VPS54: variants seen among roughly 807,000 people sequenced by gnomAD.
The protein encoded by VPS54 is vacuolar protein sorting-associated protein 54.
Under a neutral mutation model 121.5 loss-of-function variants are expected in VPS54, and 45 were observed. That is an observed-to-expected ratio of 0.37 (90% CI 0.29 to 0.47). VPS54 has a LOEUF of 0.47. Ranked by LOEUF, VPS54 falls within the 20% of genes least tolerant of loss-of-function variation. The probability of loss-of-function intolerance (pLI) is 0.99; values close to 1 mark genes in which losing one functional copy is unlikely to be tolerated. For synonymous variants in VPS54, 371 were observed against 385.8 expected, an observed-to-expected ratio of 0.96 and a Z score of 0.45; for missense variants, 1,090 against 1,131.4, an observed-to-expected ratio of 0.96 and a Z score of 0.52.
At position 63,933,692 on chromosome 2, in the gene VPS54, G is replaced by A; in HGVS notation, c.1720C>T (p.Pro574Ser). The change falls in exon 12 of 23, where the codon CCA (proline) becomes TCA (serine). Residue 574 changes from proline (P) to serine (S), a missense_variant. By Grantham distance (74) the Pro-to-Ser change is moderately conservative. Coordinates refer to ENST00000272322, the MANE Select transcript of VPS54 (RefSeq NM_016516.3). ...ACTCACATAATATCCACACCTCCTG[G>A]AATAGCAGATGATGATGTGTGCTCT... is the stretch of plus-strand genomic sequence containing the variant. ...SKEHTSSSAIPGGVDIMVSED... is the reference protein window; with the variant it reads ...SKEHTSSSAISGGVDIMVSED... 1 of 1,612,732 alleles carries A rather than the reference G, an allele frequency of 6.2e-7. No individual in the cohort carries two copies. The highest frequency in any genetic ancestry group is 8.5e-7 in the Non-Finnish European group (1 of 1,179,612).
At chr2:63,896,281 A>G (rs1273249808) in intron 22 of VPS54, among the ~76,000 whole-genome samples, 2 of 152,206 alleles carry the variant, frequency 1.3e-5, no homozygotes, top group East Asian at 3.8e-4. Flanking sequence ...GACACATGCC[A>G]AAGTATTTAA....
intron 12 of VPS54, among the ~76,000 whole-genome samples, chr2:63,923,597 T>C (rs1373338794): frequency 6.6e-6 from 1 of 152,206 alleles, no homozygotes; most frequent in Non-Finnish European, 1.5e-5. Flanking sequence ...CACATACATG[T>C]GAATGGAATA....
At chr2:63,922,650 G>A (rs374169625) in intron 12 of VPS54, among the ~76,000 whole-genome samples, 1 of 152,148 alleles carries the variant, frequency 6.6e-6, no homozygotes, top group Non-Finnish European at 1.5e-5. Flanking sequence ...TAAGAGAGTA[G>A]AACTAGAACC....
chr2:63,969,313 C>G (rs1310041608), intron 4 of VPS54, among the ~76,000 whole-genome samples: 1 of 152,126 alleles, frequency 6.6e-6, no homozygotes, highest in Non-Finnish European at 1.5e-5. Flanking sequence ...TGTTAGGAAC[C>G]AGGTTGCACA....
intron 1 of VPS54, among the ~76,000 whole-genome samples, chr2:63,991,318 G>A (rs990052674): frequency 1.3e-5 from 2 of 152,190 alleles, no homozygotes; most frequent in East Asian, 3.8e-4. Context: ...TTTTTCATAT[G>A]TTAGCTTTTG....
At chr2:64,001,952 A>G (rs1677902030) in intron 1 of VPS54, among the ~76,000 whole-genome samples, 1 of 152,084 alleles carries the variant, frequency 6.6e-6, no homozygotes, top group Admixed American at 6.6e-5. Context: ...TTTGGCTTAC[A>G]CTGCCTTTTA....
At chr2:63,894,429 C>G (rs1246288730) in intron 22 of VPS54, among the ~76,000 whole-genome samples, 3 of 152,138 alleles carry the variant, frequency 2.0e-5, no homozygotes, top group Admixed American at 6.5e-5. Flanking sequence ...TGGCCAGGAG[C>G]AGTGGCTCAC....
intron 15 of VPS54, among the ~76,000 whole-genome samples, chr2:63,917,511 A>T (rs1312611018): frequency 6.6e-6 from 1 of 152,020 alleles, no homozygotes. Flanking sequence ...ATATTTCTTT[A>T]AACAAAATTC....
At chr2:63,903,748 GAAAC>G (rs1345978261) in intron 20 of VPS54, among the ~76,000 whole-genome samples, 14 of 151,930 alleles carry the variant, frequency 9.2e-5, no homozygotes, top group African/African-American at 3.4e-4. Context: ...GCAGCCACTA[GAAAC>G]AAACAGAAAT....
In VPS54 at chr2:63,942,504, A is replaced by T; in HGVS notation, c.1359T>A (p.Asp453Glu). The T allele has an allele frequency of 6.3e-7, 1 of 1,598,132 alleles. No individual in the cohort carries two copies. The highest frequency in any genetic ancestry group is 8.5e-7 in the Non-Finnish European group (1 of 1,171,412). The stretch of plus-strand genomic sequence containing the variant: ...GGAAAATTGTAAACTTAGAGAAAAT[A>T]TCCTTGAGCAGATCAAACCACTGGG... ...NFPQWFDLLKDIFSKFTIFLQ... is the reference protein window; with the variant it reads ...NFPQWFDLLKEIFSKFTIFLQ... The change falls in exon 11 of 23, where the codon GAT becomes GAA. Residue 453 changes from aspartate (D) to glutamate (E), a missense_variant. Around this residue, in one of 2 missense-constraint regions of VPS54, gnomAD observed 801 missense variants for 757.0 expected, o/e 1.06. Coordinates refer to ENST00000272322, the MANE Select transcript of VPS54 (RefSeq NM_016516.3).
intron 20 of VPS54, 26 bp downstream of exon 20, chr2:63,912,319 G>C (rs745684723): frequency 6.5e-7 from 1 of 1,547,746 alleles, no homozygotes; most frequent in Non-Finnish European, 8.8e-7. Context: ...TTTGAACAAA[G>C]TCTAATAATT....
intron 22 of VPS54, among the ~76,000 whole-genome samples, chr2:63,894,752 A>G (rs1438802357): frequency 6.6e-6 from 1 of 152,150 alleles, no homozygotes; most frequent in Non-Finnish European, 1.5e-5. Flanking sequence ...AGTCAAAAAC[A>G]GACTACTAAA....
intron 17 of VPS54, chr2:63,913,739 C>G (rs1384809813): frequency 1.6e-6 from 1 of 634,658 alleles, no homozygotes; most frequent in Non-Finnish European, 2.0e-6. Flanking sequence ...TTTAAAATAT[C>G]TCAATATGAA....
chr2:63,965,556 G>T (rs1354311130), intron 6 of VPS54, among the ~76,000 whole-genome samples: 1 of 152,180 alleles, frequency 6.6e-6, no homozygotes, highest in Non-Finnish European at 1.5e-5. Context: ...AATTTATTGT[G>T]TTAGCTAATA....
chr2:63,911,322 A>G (rs1259043987), intron 20 of VPS54, among the ~76,000 whole-genome samples: 1 of 152,200 alleles, frequency 6.6e-6, no homozygotes, highest in Non-Finnish European at 1.5e-5. Flanking sequence ...ATGTTTGTAC[A>G]TAAATACAAA....
intron 9 of VPS54, among the ~76,000 whole-genome samples, chr2:63,945,816 T>C (rs1429266931): frequency 1.3e-5 from 2 of 152,196 alleles, no homozygotes; most frequent in Non-Finnish European, 2.9e-5. Context: ...TTACATTTCC[T>C]TGTGATACAT....
At chr2:63,900,220 C>T (rs1266378441) in intron 20 of VPS54, among the ~76,000 whole-genome samples, 2 of 63,388 alleles carry the variant, frequency 3.2e-5, no homozygotes, top group Non-Finnish European at 5.4e-5. Context: ...AACTCTGTCT[C>T]AAAAAAAAAA....
chr2:63,905,816 A>G (rs942670481), intron 20 of VPS54, among the ~76,000 whole-genome samples: 9 of 152,170 alleles, frequency 5.9e-5, no homozygotes, highest in African/African-American at 1.4e-4. Context: ...CTATGAATGC[A>G]AGGTTGGCTC....
rs1673256156 is a variant in VPS54, at chr2:63,913,765, C to A, written c.2334+417G>T. On this transcript the variant is annotated intron_variant, in intron 17 of 22. Coordinates refer to ENST00000272322, the MANE Select transcript of VPS54 (RefSeq NM_016516.3). ...TCAATATGAAATGGCTGAATAAAAT[C>A]ATCACATTTTCATTTTATATCAATG... 1.4e-5 allele frequency: 12 copies of A among 830,986 alleles called. No homozygotes were observed. In the South Asian group the frequency reaches 4.5e-4, roughly 31 times the overall value. The allele number at this position is 830,986 out of a possible 1,614,324, so 51.5% of individuals were successfully genotyped here.
Sources: gnomAD v4.1 joint callset for allele counts (sites outside exome capture counted in the v4.1 genomes callset) on GRCh38, gnomAD v4.1.1 for gene constraint, gnomAD v4.1.1 regional missense constraint, MANE v1.5 for transcripts, NCBI Gene and HGNC (gene_info 2026-07-23, HGNC 2026-07-21) for gene names.